The following SACS variants were observed in gnomAD, a reference collection of about 807,000 sequenced individuals.
SACS encodes sacsin.
In SACS, 197 loss-of-function variants were observed where a neutral mutation model predicts 348.0. That is an observed-to-expected ratio of 0.57 (90% confidence interval 0.50 to 0.64). The LOEUF (loss-of-function observed/expected upper bound fraction) is 0.64. Ranked by LOEUF, SACS falls within the 30% of genes least tolerant of loss-of-function variation. The pLI, the probability that SACS is intolerant of heterozygous loss-of-function variation, is 0.00. For synonymous variants in SACS, 1,985 were observed against 1,910.6 expected (o/e 1.04, Z -1.02); for missense variants, 4,999 against 5,360.8 (o/e 0.93, Z 2.11).
chr13:23,353,664 T>C (rs1870116211), intron 9 of SACS, 121 bp downstream of exon 9: 1 of 638,298 alleles, frequency 1.6e-6, no homozygotes, highest in South Asian at 2.0e-5. Context: ...ACACAAAAAG[T>C]TTATTAGCTT....
At chr13:23,415,834 C>T (rs1302106845) in intron 1 of SACS, among the ~76,000 whole-genome samples, 1 of 152,036 alleles carries the variant, frequency 6.6e-6, no homozygotes, top group African/African-American at 2.4e-5. Flanking sequence ...AAATGCTGAT[C>T]GAAGTGCCTG....
At chr13:23,371,259 G>T in intron 3 of SACS, 94 bp from the exon 4 acceptor site, 1 of 597,160 alleles carries the variant, frequency 1.7e-6, no homozygotes, top group Non-Finnish European at 2.8e-6. Flanking sequence ...CTTAAGTAAT[G>T]CTTGTTAAGT....
intron 1 of SACS, among the ~76,000 whole-genome samples, chr13:23,418,786 T>G (rs572185615): frequency 3.3e-5 from 5 of 152,320 alleles, no homozygotes; most frequent in Non-Finnish European, 1.5e-5. Flanking sequence ...GTTAGAGACC[T>G]GAGCCAGGGT....
chr13:23,366,540 G>T (rs1871074311), intron 5 of SACS, among the ~76,000 whole-genome samples: 1 of 152,108 alleles, frequency 6.6e-6, no homozygotes, highest in South Asian at 2.1e-4. Flanking sequence ...TAATATGAAG[G>T]ATGGAAATAA....
Position 23,334,226 on chromosome 13 carries a change from A to G in SACS, c.9650T>C (p.Leu3217Ser), listed in dbSNP as rs1427758516. The change falls in exon 10 of 10, where the codon TTG becomes TCG. Residue 3217 changes from leucine (L) to serine (S), a missense_variant. Physicochemically the swap from Leu to Ser is moderately radical, Grantham distance 145. Coordinates refer to ENST00000382292, the MANE Select transcript of SACS (RefSeq NM_014363.6). ...TTCTCGAGGCAACACAGAGGATAAC[A>G]AATCAGCAAAGCTGGAAATGTCAAA... is the stretch of plus-strand genomic sequence containing the variant. ...KVFDISSFADLLSSVLPREYK... is the reference protein window; with the variant it reads ...KVFDISSFADSLSSVLPREYK... 1.2e-6 allele frequency: 2 copies of G among 1,613,624 alleles called. No homozygotes were observed. The highest frequency in any genetic ancestry group is 1.3e-5 in the African/African-American group (1 of 74,928).
chr13:23,395,447 C>T (rs1013494106), intron 2 of SACS, among the ~76,000 whole-genome samples: 2 of 152,170 alleles, frequency 1.3e-5, no homozygotes, highest in African/African-American at 2.4e-5. Context: ...CTCTGCTCCT[C>T]TTTCCTCCTT....
chr13:23,362,680 G>T (rs557769022), intron 6 of SACS, among the ~76,000 whole-genome samples: 1 of 148,070 alleles, frequency 6.8e-6, no homozygotes, highest in Non-Finnish European at 1.5e-5. Context: ...CCACCTCCCA[G>T]GTTCAAGTGA....
rs116786824 is a variant in SACS, at chr13:23,420,862, G to A, written c.-501-9122C>T. 3.7e-3 allele frequency among the ~76,000 whole-genome samples: 562 copies of A among 152,230 alleles called. 5 individuals carry two copies. The highest frequency in any genetic ancestry group is 0.013 in the African/African-American group (543 of 41,532). Reference sequence around the variant, plus strand: ...ACTTGAGGCCTCATGTCCACCTGGGGCCGGATTGTCCATCAGGGACCTGTT... The same window carrying A: ...ACTTGAGGCCTCATGTCCACCTGGGACCGGATTGTCCATCAGGGACCTGTT... On this transcript the variant is annotated intron_variant, in intron 1 of 9. Transcript: ENST00000382292.
At chr13:23,422,698 G>A (rs562837069) in intron 1 of SACS, among the ~76,000 whole-genome samples, 7 of 150,274 alleles carry the variant, frequency 4.7e-5, no homozygotes, top group Admixed American at 2.0e-4. Context: ...TCACTCTGTC[G>A]CCCAGGCTGG....
intron 8 of SACS, among the ~76,000 whole-genome samples, chr13:23,354,098 T>C (rs1419590270): frequency 6.6e-6 from 1 of 152,238 alleles, no homozygotes; most frequent in East Asian, 1.9e-4. Context: ...AGAAATATTC[T>C]CAACATCTTA....
chr13:23,342,334 C>T (rs937018363), intron 9 of SACS, among the ~76,000 whole-genome samples: 4 of 152,016 alleles, frequency 2.6e-5, no homozygotes, highest in South Asian at 2.1e-4. Flanking sequence ...CAATGTTTAG[C>T]GCTTATTTGC....
intron 5 of SACS, among the ~76,000 whole-genome samples, chr13:23,367,859 G>A (rs900675379): frequency 1.6e-4 from 25 of 152,326 alleles, no homozygotes; most frequent in African/African-American, 5.5e-4. Flanking sequence ...CTCCCAAAGT[G>A]CTGGGATTAC....
At chr13:23,403,202 C>A (rs1319646998) in intron 2 of SACS, among the ~76,000 whole-genome samples, 1 of 151,788 alleles carries the variant, frequency 6.6e-6, no homozygotes, top group Non-Finnish European at 1.5e-5. Context: ...GTCCTTCTCA[C>A]AAGTTCCAGC....
Position 23,331,089 on chromosome 13 carries a change from T to C in SACS, c.12787A>G (p.Thr4263Ala), listed in dbSNP as rs771900388. 9.9e-6 allele frequency: 16 copies of C among 1,613,934 alleles called. No homozygotes were observed. In the African/African-American group the frequency reaches 1.2e-4, roughly 12 times the overall value. The change falls in exon 10 of 10, where the codon ACC becomes GCC. Residue 4263 changes from threonine (T) to alanine (A), a missense_variant. Thr to Ala is a moderately conservative substitution (Grantham distance 58). Coordinates refer to ENST00000382292, the MANE Select transcript of SACS (RefSeq NM_014363.6). The part of the protein sequence containing the change: ...QSRDSAPSTP[T>A]SPTEFLTPGL... ...GGGGTGAGGAACTCAGTGGGGCTGG[T>C]TGGTGTAGAAGGAGCACTGTCCCTG...
chr13:23,362,251 T>C (rs149253755), intron 6 of SACS, among the ~76,000 whole-genome samples: 8 of 152,198 alleles, frequency 5.3e-5, no homozygotes, highest in Non-Finnish European at 1.2e-4. Flanking sequence ...TTCCTTCCCC[T>C]GTGTCTTATA....
At chr13:23,375,592 G>GCCGCCCGCGGGGACACGC (rs1282127455) in intron 2 of SACS, 1 of 1,013,886 alleles carries the variant, frequency 9.9e-7, no homozygotes, top group Non-Finnish European at 1.2e-6. Context: ...CCCTGCAGGC[G>GCCGCCCGCGGGGACACGC]CCGCCCGCGG....
In SACS at chr13:23,335,830, C is replaced by T. The variant is rs1270121172; in HGVS notation, c.8046G>A (p.Leu2682=). The part of the protein sequence containing the change: ...ADFRTQFSDV[L]DLYLGTHFKL... ...TAAAATGGGTTCCCAGATAAAGATCCAGAACATCTGAGAACTGTGTCCTAA... is the reference window on the plus strand; with the variant it reads ...TAAAATGGGTTCCCAGATAAAGATCTAGAACATCTGAGAACTGTGTCCTAA... Residue 2682 remains leucine, a synonymous_variant, in exon 10 of 10, where the codon CTG becomes CTA. Transcript: ENST00000382292. This position sits in a 1 kb window ranked among gnomAD's most constrained non-coding sequence, Gnocchi z 4.7. 4.3e-6 allele frequency: 7 copies of T among 1,613,792 alleles called. No individual in the cohort carries two copies. Among genetic ancestry groups the T allele is most frequent in the Middle Eastern group, 1.6e-4 (1 of 6,084 alleles).
chr13:23,351,150 C>T (rs956057775), intron 9 of SACS, among the ~76,000 whole-genome samples: 1 of 152,222 alleles, frequency 6.6e-6, no homozygotes, highest in Non-Finnish European at 1.5e-5. Flanking sequence ...AGCAAGGTGT[C>T]ACTTACTGGT....
chr13:23,412,649 A>C (rs1169257355), intron 1 of SACS, among the ~76,000 whole-genome samples: 1 of 151,998 alleles, frequency 6.6e-6, no homozygotes, highest in African/African-American at 2.4e-5. Context: ...TTTGACCTCA[A>C]GTGATCTCCC....
Sources: gnomAD v4.1 joint callset for allele counts (sites outside exome capture counted in the v4.1 genomes callset) on GRCh38, gnomAD v4.1.1 for gene constraint, Gnocchi (gnomAD v3.1) non-coding constraint, MANE v1.5 for transcripts, NCBI Gene and HGNC (gene_info 2026-07-23, HGNC 2026-07-21) for gene names.